NBEA: variants seen among roughly 807,000 people sequenced by gnomAD.
NBEA encodes lysosomal-trafficking regulator 2.
A neutral mutation model predicts 343.4 loss-of-function variants in NBEA; 44 were observed. The observed-to-expected ratio is 0.13, with a 90% confidence interval of 0.10 to 0.16. The LOEUF (loss-of-function observed/expected upper bound fraction) is 0.16, where lower values mean the gene tolerates loss of function less well. NBEA is among the 10% of genes least tolerant of loss of function. The pLI, the probability that NBEA is intolerant of heterozygous loss-of-function variation, is 1.00. For missense variants in NBEA, 2,555 were observed against 3,631.3 expected, an observed-to-expected ratio of 0.70 and a Z score of 7.62; for synonymous variants, 1,175 against 1,238.7, an observed-to-expected ratio of 0.95 and a Z score of 1.08.
At chr13:35,221,074 G>C (rs943105159) in intron 33 of NBEA, among the ~76,000 whole-genome samples, 1 of 152,052 alleles carries the variant, frequency 6.6e-6, no homozygotes, top group Non-Finnish European at 1.5e-5. Context: ...AGCTGGGCGT[G>C]ATGGCTCACG....
intron 38 of NBEA, among the ~76,000 whole-genome samples, chr13:35,387,772 G>A (rs1352445013): frequency 2.0e-5 from 3 of 152,146 alleles, no homozygotes; most frequent in Non-Finnish European, 2.9e-5. Flanking sequence ...CTAGATGGGA[G>A]CATTTGAGTA....
chr13:35,334,604 C>T (rs964012249), intron 36 of NBEA, among the ~76,000 whole-genome samples: 3 of 152,134 alleles, frequency 2.0e-5, no homozygotes, highest in Admixed American at 2.0e-4. Context: ...CTCTGATGAT[C>T]AGTGATGTTG....
chr13:34,992,218 GTA>G (rs1295479558), intron 1 of NBEA, among the ~76,000 whole-genome samples: 24 of 110,276 alleles, frequency 2.2e-4, no homozygotes, highest in South Asian at 9.2e-4. Context: ...GTGTGTGTGT[GTA>G]TATGTGTGTG....
At chr13:35,495,052 C>T (rs1404685810) in intron 41 of NBEA, among the ~76,000 whole-genome samples, 1 of 151,680 alleles carries the variant, frequency 6.6e-6, no homozygotes, top group East Asian at 1.9e-4. Context: ...AGACTGTCGA[C>T]TGAATTAAAA....
chr13:35,667,266 C>T lies in NBEA; in HGVS notation c.8465-108C>T. ...GGCCAGCCTACCTCTTTCCTGTCCT[C>T]TTCCGTCACATCTGAGCGCACACCC... On this transcript the variant is annotated intron_variant, in intron 56 of 58. Transcript: ENST00000379939. The T allele has an allele frequency of 3.4e-6, 3 of 888,200 alleles. No homozygotes were observed. In the South Asian group the frequency reaches 4.9e-5, roughly 15 times the overall value. The allele number at this position is 888,200 out of a possible 1,614,324, so 55.0% of individuals were successfully genotyped here.
intron 33 of NBEA, among the ~76,000 whole-genome samples, chr13:35,218,863 G>GAAATAGAT (rs1213210907): frequency 6.6e-6 from 1 of 151,888 alleles, no homozygotes; most frequent in Non-Finnish European, 1.5e-5. Flanking sequence ...ATTGTAATGT[G>GAAATAGAT]AAATAGATTT....
At chr13:35,009,938 C>T (rs947826508) in intron 1 of NBEA, among the ~76,000 whole-genome samples, 7 of 152,112 alleles carry the variant, frequency 4.6e-5, no homozygotes, top group Non-Finnish European at 5.9e-5. Context: ...AAGTTCTTGG[C>T]CTAACTGATC....
intron 34 of NBEA, among the ~76,000 whole-genome samples, chr13:35,249,899 T>A (rs371860812): frequency 3.3e-4 from 50 of 152,268 alleles, no homozygotes; most frequent in African/African-American, 9.9e-4. Flanking sequence ...ATTCACTTAA[T>A]AAAAAGGAAG....
chr13:35,569,017 G>A (rs1444987465), intron 45 of NBEA, among the ~76,000 whole-genome samples: 1 of 152,102 alleles, frequency 6.6e-6, no homozygotes, highest in African/African-American at 2.4e-5. Flanking sequence ...GTGGAGTGGT[G>A]GATGGGTTAA....
chr13:34,947,530 A>C (rs1220140147), intron 1 of NBEA, among the ~76,000 whole-genome samples: 1 of 151,936 alleles, frequency 6.6e-6, no homozygotes, highest in African/African-American at 2.4e-5. Flanking sequence ...ATTGTTATGC[A>C]TTAGTTCCAG....
chr13:35,326,639 G>T (rs2038580045), intron 36 of NBEA, among the ~76,000 whole-genome samples: 1 of 151,688 alleles, frequency 6.6e-6, no homozygotes, highest in Non-Finnish European at 1.5e-5. Context: ...TCATTATCTT[G>T]CCTGATTGCT....
Position 35,112,062 on chromosome 13 carries a change from G to A in NBEA, c.2002+1084G>A, listed in dbSNP as rs1181330977. Among the ~76,000 whole-genome samples the A allele has an allele frequency of 7.9e-5, 12 of 151,572 alleles. 1 individual carries two copies. In the East Asian group the frequency reaches 1.9e-3, roughly 25 times the overall value. On this transcript the variant is annotated intron_variant, in intron 13 of 58. Coordinates refer to ENST00000379939, the MANE Select transcript of NBEA (RefSeq NM_001385012.1). ...CTCCCGAGTAGCTGGGACTACAGGC[G>A]CCTGCCAGCACGCCCGGCTAATTTT...
At chr13:35,339,571 C>G (rs760907381) in intron 36 of NBEA, among the ~76,000 whole-genome samples, 2 of 152,028 alleles carry the variant, frequency 1.3e-5, no homozygotes, top group Non-Finnish European at 2.9e-5. Context: ...ATACCTGAGA[C>G]TGGATAATTT....
At chr13:35,626,733 AAACT>A (rs1467739249) in intron 48 of NBEA, among the ~76,000 whole-genome samples, 1 of 152,214 alleles carries the variant, frequency 6.6e-6, no homozygotes, top group African/African-American at 2.4e-5. Context: ...CAAATTGACC[AAACT>A]AATATAGACA....
intron 43 of NBEA, among the ~76,000 whole-genome samples, chr13:35,554,602 G>A (rs1442842543): frequency 6.6e-6 from 1 of 152,224 alleles, no homozygotes; most frequent in African/African-American, 2.4e-5. Context: ...TAAGTCAAAT[G>A]CATGTAAACA....
chr13:35,440,161 T>A (rs1192176380), intron 39 of NBEA, among the ~76,000 whole-genome samples: 3 of 152,350 alleles, frequency 2.0e-5, no homozygotes, highest in African/African-American at 7.2e-5. Context: ...GTTACAGGCA[T>A]GAGCTACCAT....
chr13:35,385,240 A>T (rs1055549699), intron 38 of NBEA, among the ~76,000 whole-genome samples: 1 of 152,082 alleles, frequency 6.6e-6, no homozygotes, highest in South Asian at 2.1e-4. Flanking sequence ...TGATTATTCT[A>T]TGAGGTAAAG....
chr13:35,573,757 T>C (rs1310276349), intron 45 of NBEA, among the ~76,000 whole-genome samples: 3 of 152,230 alleles, frequency 2.0e-5, no homozygotes, highest in Admixed American at 2.0e-4. Flanking sequence ...CACTGTTTAG[T>C]GTATGCTCTT....
chr13:35,208,265 C>T (rs1007533277), intron 31 of NBEA, among the ~76,000 whole-genome samples: 1 of 151,976 alleles, frequency 6.6e-6, no homozygotes, highest in African/African-American at 2.4e-5. Flanking sequence ...AAGAATTTGG[C>T]ATTCAAATGT....
Sources: allele counts gnomAD v4.1 joint callset (sites outside exome capture counted in the v4.1 genomes callset), GRCh38; gene constraint gnomAD v4.1.1; transcripts MANE v1.5; gene names NCBI Gene and HGNC (gene_info 2026-07-23, HGNC 2026-07-21).